CD247: variants seen among roughly 807,000 people sequenced by gnomAD.
The protein encoded by CD247 is CD247 molecule.
Under a neutral mutation model 30.0 loss-of-function variants are expected in CD247, and 13 were observed. The observed-to-expected ratio is 0.43, with a 90% CI of 0.28 to 0.69. CD247 has a LOEUF of 0.69. Ranked by LOEUF, CD247 falls within the 30% of genes least tolerant of loss-of-function variation. The pLI, the probability that CD247 is intolerant of heterozygous loss-of-function variation, is 0.16. For synonymous variants in CD247, 72 were observed against 80.0 expected (o/e 0.90, Z 0.53); for missense variants, 193 against 212.6 (o/e 0.91, Z 0.57).
At chr1:167,438,461 T>C in intron 4 of CD247, 109 bp downstream of exon 4, 2 of 870,818 alleles carry the variant, frequency 2.3e-6, no homozygotes, top group South Asian at 2.6e-5. Context: ...GGCCCACACA[T>C]GTGAGGGTCG....
chr1:167,439,142 C>T (rs766998530), intron 3 of CD247, among the ~76,000 whole-genome samples: 7 of 152,198 alleles, frequency 4.6e-5, no homozygotes, highest in African/African-American at 1.7e-4. Context: ...AGCATGTAAT[C>T]TTTATGGCGC....
At chr1:167,433,731 A>G (rs552937437) in intron 6 of CD247, among the ~76,000 whole-genome samples, 13 of 152,364 alleles carry the variant, frequency 8.5e-5, no homozygotes, top group Non-Finnish European at 1.6e-4. Context: ...ACACGGCAGC[A>G]CATATTAAGC....
At chr1:167,432,783 T>C (rs1167617067) in intron 7 of CD247, among the ~76,000 whole-genome samples, 1 of 152,210 alleles carries the variant, frequency 6.6e-6, no homozygotes, top group East Asian at 1.9e-4. Context: ...TGCTGCTCTG[T>C]CTGCCATGGC....
chr1:167,477,514 T>C (rs546921818), intron 1 of CD247, among the ~76,000 whole-genome samples: 6 of 152,156 alleles, frequency 3.9e-5, no homozygotes, highest in African/African-American at 1.4e-4. Flanking sequence ...GGCTGTGAAG[T>C]GTTTTTTGTT....
intron 1 of CD247, among the ~76,000 whole-genome samples, chr1:167,475,747 A>G (rs532018857): frequency 1.3e-5 from 2 of 152,332 alleles, no homozygotes; most frequent in African/African-American, 4.8e-5. Flanking sequence ...GCAAAAATTC[A>G]CACTGTGGGA....
intron 1 of CD247, among the ~76,000 whole-genome samples, chr1:167,495,721 C>T (rs1654663715): frequency 6.6e-6 from 1 of 152,178 alleles, no homozygotes; most frequent in Non-Finnish European, 1.5e-5. Flanking sequence ...TGGCCTTCCC[C>T]TCACTCATAC....
chr1:167,430,802 T>A lies in CD247; in HGVS notation c.*879A>T, dbSNP rs1460085273. 3 of 398,596 alleles carry A rather than the reference T, an allele frequency of 7.5e-6. No homozygotes were observed. The highest frequency in any genetic ancestry group is 8.8e-5 in the Admixed American group (2 of 22,720). The allele number at this position is 398,596 out of a possible 1,614,324, so 24.7% of individuals were successfully genotyped here. A position where few individuals can be genotyped will look rare whatever the true frequency, so the allele number is the denominator to read the frequency against. On this transcript the variant is annotated 3_prime_UTR_variant, in exon 8 of 8. Transcript: ENST00000362089. ...CTAGTACATTGACGGGTTTTTCCTGTCCTGCCACTGTCCGCTGGGCAGTTA... is the reference window on the plus strand; with the variant it reads ...CTAGTACATTGACGGGTTTTTCCTGACCTGCCACTGTCCGCTGGGCAGTTA...
intron 1 of CD247, among the ~76,000 whole-genome samples, chr1:167,482,107 G>A (rs975559453): frequency 1.3e-5 from 2 of 152,182 alleles, no homozygotes; most frequent in Non-Finnish European, 1.5e-5. Flanking sequence ...CAGCATGAAT[G>A]AGAGGTCTTC....
chr1:167,455,058 C>G (rs1235624924), intron 1 of CD247, among the ~76,000 whole-genome samples: 1 of 152,226 alleles, frequency 6.6e-6, no homozygotes. Flanking sequence ...CGCGCCTGGG[C>G]TCCTCCCGCT....
At chr1:167,432,980 TCAGGTGGTGC>T in intron 7 of CD247, 34 bp downstream of exon 7, 1 of 1,609,556 alleles carries the variant, frequency 6.2e-7, no homozygotes, top group South Asian at 1.1e-5. Flanking sequence ...TTGCCCCTTG[TCAGGTGGTGC>T]CCCTTCCACT....
At chr1:167,497,978 G>A (rs949863603) in intron 1 of CD247, among the ~76,000 whole-genome samples, 4 of 152,148 alleles carry the variant, frequency 2.6e-5, no homozygotes, top group South Asian at 2.1e-4. Context: ...TGTCCTGGCC[G>A]CATAGTTTAC....
intron 7 of CD247, 24 bp from the exon 8 acceptor site, chr1:167,431,770 A>G (rs750980348): frequency 1.9e-5 from 30 of 1,610,212 alleles, no homozygotes; most frequent in Non-Finnish European, 2.5e-5. Context: ...AAATCAGAAA[A>G]CAAAGAGTGG....
At chr1:167,504,438 T>C (rs949633434) in intron 1 of CD247, among the ~76,000 whole-genome samples, 2 of 152,284 alleles carry the variant, frequency 1.3e-5, no homozygotes, top group Non-Finnish European at 2.9e-5. Flanking sequence ...TTCTGCATTT[T>C]ATTTCTATCT....
At chr1:167,461,005 G>A (rs1036848195) in intron 1 of CD247, among the ~76,000 whole-genome samples, 1 of 152,236 alleles carries the variant, frequency 6.6e-6, no homozygotes, top group African/African-American at 2.4e-5. Flanking sequence ...CAGCCCACGC[G>A]CTGTGAGCAT....
intron 1 of CD247, among the ~76,000 whole-genome samples, chr1:167,481,964 A>G (rs1272905705): frequency 6.6e-6 from 1 of 152,128 alleles, no homozygotes; most frequent in African/African-American, 2.4e-5. Flanking sequence ...ACCTGCCTGT[A>G]TCTTTTACTG....
chr1:167,451,776 G>T (rs1409431223), intron 1 of CD247, among the ~76,000 whole-genome samples: 1 of 152,186 alleles, frequency 6.6e-6, no homozygotes. Flanking sequence ...GGTCATTAGT[G>T]GGGGCCCTGA....
chr1:167,457,927 A>C (rs1271045599), intron 1 of CD247, among the ~76,000 whole-genome samples: 1 of 152,216 alleles, frequency 6.6e-6, no homozygotes, highest in Non-Finnish European at 1.5e-5. Context: ...CAGATAATTG[A>C]GAGAATGATT....
At chr1:167,459,348 C>CTTTTTTTTT (rs34706916) in intron 1 of CD247, among the ~76,000 whole-genome samples, 4 of 80,422 alleles carry the variant, frequency 5.0e-5, no homozygotes, top group South Asian at 4.8e-4. Flanking sequence ...CCTTACAACT[C>CTTTTTTTTT]TTTTTTTTTT....
At chr1:167,438,973 C>T (rs1399184705) in intron 3 of CD247, among the ~76,000 whole-genome samples, 1 of 152,100 alleles carries the variant, frequency 6.6e-6, no homozygotes, top group Admixed American at 6.5e-5. Context: ...TCACCACAGT[C>T]CCATTGCACA....
Sources: allele counts gnomAD v4.1 joint callset (sites outside exome capture counted in the v4.1 genomes callset), GRCh38; gene constraint gnomAD v4.1.1; transcripts MANE v1.5; gene names NCBI Gene and HGNC (gene_info 2026-07-23, HGNC 2026-07-21).